B3GALNT2: variants seen among roughly 807,000 people sequenced by gnomAD.
B3GALNT2 encodes the protein beta-1,3-N-acetylgalactosaminyltransferase 2.
B3GALNT2 carries 53 observed loss-of-function variants against 61.1 expected under a neutral mutation model. The ratio of observed to expected loss-of-function variants is 0.87; its 90% CI spans 0.70 to 1.09. The LOEUF (loss-of-function observed/expected upper bound fraction) is 1.09. Ranked by LOEUF, B3GALNT2 falls within the 50% of genes least tolerant of loss-of-function variation. B3GALNT2 has a pLI of 0.00. For missense variants in B3GALNT2, 544 were observed against 623.0 expected (o/e 0.87, Z 1.35); for synonymous variants, 223 against 237.4 (o/e 0.94, Z 0.56).
At chr1:235,477,960 G>C (rs1039158946) in intron 5 of B3GALNT2, among the ~76,000 whole-genome samples, 6 of 152,294 alleles carry the variant, frequency 3.9e-5, no homozygotes, top group Admixed American at 3.3e-4. Flanking sequence ...TCATCTTAGA[G>C]GAGGAAATAG....
chr1:235,440,621 T>G, the B3GALNT2 span, among the ~76,000 whole-genome samples: 1 of 150,996 alleles, frequency 6.6e-6, no homozygotes, highest in South Asian at 2.1e-4. Context: ...CTCAAACTCC[T>G]GAACTCAGGT....
At chr1:235,454,489 A>G (rs576201176) in intron 9 of B3GALNT2, among the ~76,000 whole-genome samples, 174 bp from the exon 10 acceptor site, 2 of 152,012 alleles carry the variant, frequency 1.3e-5, no homozygotes, top group Non-Finnish European at 2.9e-5. Context: ...CTCAGGCTGG[A>G]GTGTAGTGGT....
the B3GALNT2 span, chr1:235,441,323 C>T: frequency 5.2e-6 from 1 of 193,958 alleles, no homozygotes; most frequent in Non-Finnish European, 1.1e-5. Context: ...TACTGAGCAC[C>T]CAGCCTGGCA....
intron 7 of B3GALNT2, among the ~76,000 whole-genome samples, chr1:235,461,004 T>A (rs1041284522): frequency 4.6e-5 from 7 of 152,194 alleles, no homozygotes; most frequent in Admixed American, 4.6e-4. Context: ...TCCTACTGAT[T>A]TAAGGCAATT....
the B3GALNT2 span, among the ~76,000 whole-genome samples, chr1:235,440,624 A>C: frequency 1.3e-5 from 2 of 148,626 alleles, no homozygotes; most frequent in South Asian, 2.2e-4. Context: ...AAACTCCTGA[A>C]CTCAGGTGAT....
intron 2 of B3GALNT2, among the ~76,000 whole-genome samples, chr1:235,491,560 C>G (rs1040838148): frequency 1.3e-5 from 2 of 152,110 alleles, no homozygotes; most frequent in African/African-American, 4.8e-5. Context: ...GAAACCTGCT[C>G]TTCTCTTTTA....
chr1:235,494,881 G>A, intron 1 of B3GALNT2, 53 bp from the exon 2 acceptor site: 4 of 1,426,746 alleles, frequency 2.8e-6, no homozygotes, highest in Admixed American at 2.1e-5. Context: ...TTACTATGAA[G>A]TTCAATATGT....
At chr1:235,459,376 A>T (rs1683311122) in intron 7 of B3GALNT2, among the ~76,000 whole-genome samples, 1 of 152,114 alleles carries the variant, frequency 6.6e-6, no homozygotes. Context: ...TAATCCCAGC[A>T]CTCCGTGAAG....
At chr1:235,443,039 C>G (rs1247243776), downstream of B3GALNT2, 3 of 883,506 alleles carry the variant, frequency 3.4e-6, no homozygotes, top group Admixed American at 6.8e-5. Context: ...TTTCATTAGT[C>G]TTTTATATTC....
At chr1:235,467,761 T>G (rs1244575638) in intron 6 of B3GALNT2, among the ~76,000 whole-genome samples, 1 of 150,942 alleles carries the variant, frequency 6.6e-6, no homozygotes, top group African/African-American at 2.4e-5. Context: ...ATTACAGGTG[T>G]GAGCCACCGC....
chr1:235,442,900 A>G (rs969760597), downstream of B3GALNT2: 3 of 1,614,000 alleles, frequency 1.9e-6, no homozygotes, highest in Non-Finnish European at 2.5e-6. Flanking sequence ...GTCCTGGAGA[A>G]ACAACTGCCG....
chr1:235,500,344 T>A (rs1361267410), intron 1 of B3GALNT2, among the ~76,000 whole-genome samples: 1 of 152,002 alleles, frequency 6.6e-6, no homozygotes, highest in African/African-American at 2.4e-5. Flanking sequence ...AATACAAAAA[T>A]TAGCTGGGTG....
intron 1 of B3GALNT2, among the ~76,000 whole-genome samples, chr1:235,503,598 C>T (rs1010508727): frequency 6.6e-5 from 10 of 152,370 alleles, no homozygotes; most frequent in Admixed American, 6.5e-5. Context: ...AACCGACTTA[C>T]ATCATAATCC....
intron 1 of B3GALNT2, among the ~76,000 whole-genome samples, chr1:235,503,356 C>A (rs532841996): frequency 6.6e-6 from 1 of 152,252 alleles, no homozygotes; most frequent in African/African-American, 2.4e-5. Context: ...GTGGTGGAAC[C>A]CACTAACAAA....
intron 6 of B3GALNT2, among the ~76,000 whole-genome samples, chr1:235,469,734 G>A (rs534392632): frequency 7.1e-6 from 1 of 140,912 alleles, no homozygotes; most frequent in Admixed American, 7.0e-5. Flanking sequence ...TTTTTTTTTT[G>A]GATTTTTAGT....
In B3GALNT2 at chr1:235,504,039, C is replaced by A. The variant is rs895913235; in HGVS notation, c.112+102G>T. On this transcript the variant is annotated intron_variant, in intron 1 of 11. Transcript: ENST00000366600. ...TTCGTCTGGGGACCGTCGCGTTTGG[C>A]CCTTCCCCCGCCTCCAACAATTCCC... is the stretch of plus-strand genomic sequence containing the variant. The A allele has an allele frequency of 6.9e-6, 8 of 1,160,300 alleles. No homozygotes were observed. The African/African-American group carries it at 1.3e-4, about 19-fold the overall frequency. 71.9% of individuals were successfully genotyped at this position (1,160,300 alleles called of 1,614,324 possible). A position where few individuals can be genotyped will look rare whatever the true frequency, so the allele number is the denominator to read the frequency against.
At chr1:235,443,121 AGCTG>A, downstream of B3GALNT2, 1 of 588,786 alleles carries the variant, frequency 1.7e-6, no homozygotes, top group South Asian at 2.0e-5. Flanking sequence ...TAACTTTATC[AGCTG>A]AAAGCAGTTC....
At chr1:235,479,631 A>C (rs981992600) in intron 5 of B3GALNT2, 2 of 156,514 alleles carry the variant, frequency 1.3e-5, no homozygotes, top group African/African-American at 4.8e-5. Flanking sequence ...TTAACTTGGA[A>C]ACATGGCCCA....
intron 5 of B3GALNT2, among the ~76,000 whole-genome samples, chr1:235,473,171 C>T (rs1257042568): frequency 6.6e-6 from 1 of 152,194 alleles, no homozygotes; most frequent in Non-Finnish European, 1.5e-5. Flanking sequence ...CCTCAGCCTC[C>T]CAAAGTGCTA....
Sources: gnomAD v4.1 joint callset for allele counts (sites outside exome capture counted in the v4.1 genomes callset) on GRCh38, gnomAD v4.1.1 for gene constraint, MANE v1.5 for transcripts, NCBI Gene and HGNC (gene_info 2026-07-23, HGNC 2026-07-21) for gene names.